IGSF10: variants seen among roughly 807,000 people sequenced by gnomAD.
The protein encoded by IGSF10 is calvaria mechanical force protein 608.
In IGSF10, 126 loss-of-function variants were observed where a neutral mutation model predicts 128.2. That is an observed-to-expected ratio of 0.98 (90% CI 0.85 to 1.14). The LOEUF (loss-of-function observed/expected upper bound fraction) is 1.14. Ranked by LOEUF, IGSF10 falls within the 50% of genes most tolerant of loss-of-function variation. The pLI, the probability that IGSF10 is intolerant of heterozygous loss-of-function variation, is 0.00. For missense variants in IGSF10, 3,295 were observed against 3,149.8 expected (o/e 1.05, Z -1.10); for synonymous variants, 1,185 against 1,146.2 (o/e 1.03, Z -0.68).
chr3:151,547,195 C>G, the IGSF10 span, among the ~76,000 whole-genome samples: 1 of 152,096 alleles, frequency 6.6e-6, no homozygotes, highest in African/African-American at 2.4e-5. Context: ...CACAACCACA[C>G]CGTCCCACAC....
chr3:151,519,538 C>T, the IGSF10 span, among the ~76,000 whole-genome samples: 1 of 151,674 alleles, frequency 6.6e-6, no homozygotes, highest in Non-Finnish European at 1.5e-5. Context: ...TTTCAACTTA[C>T]CCTAAATTTA....
the IGSF10 span, among the ~76,000 whole-genome samples, chr3:151,507,768 T>C: frequency 6.6e-6 from 1 of 152,186 alleles, no homozygotes; most frequent in Non-Finnish European, 1.5e-5. Context: ...ATGAGGATTA[T>C]AGGAACTAAA....
At chr3:151,483,487 C>T in the IGSF10 span, among the ~76,000 whole-genome samples, 1,885 of 152,154 alleles carry the variant, frequency 0.012, 49 homozygotes, top group African/African-American at 0.044. Context: ...TATCAAATCA[C>T]AAATGTAGAA....
the IGSF10 span, among the ~76,000 whole-genome samples, chr3:151,492,880 ACAGT>A: frequency 3.3e-5 from 5 of 152,190 alleles, no homozygotes; most frequent in Non-Finnish European, 7.3e-5. Flanking sequence ...AAGATTGGAA[ACAGT>A]CTGTCTGTTG....
the IGSF10 span, among the ~76,000 whole-genome samples, chr3:151,585,131 T>C: frequency 6.6e-6 from 1 of 152,194 alleles, no homozygotes; most frequent in Non-Finnish European, 1.5e-5. Context: ...GCACTTGTAA[T>C]ATGGCTGGTT....
chr3:151,448,353 C>G lies in IGSF10; in HGVS notation c.1628G>C (p.Ser543Thr), dbSNP rs752660913. 23 of 1,614,092 alleles carry G rather than the reference C, an allele frequency of 1.4e-5. No homozygotes were observed. The South Asian group carries it at 2.2e-4, about 15-fold the overall frequency. ...SGKLELQMADSFDTGVYHCIS... is the reference protein window; with the variant it reads ...SGKLELQMADTFDTGVYHCIS... ...ACAGTGATATACGCCTGTGTCAAAA[C>G]TATCAGCCATCTGGAGTTCCAATTT... Residue 543 changes from serine to threonine, a missense_variant, in exon 6 of 8, where the codon AGT (serine) becomes ACT (threonine). Transcript: ENST00000282466.
At chr3:151,576,819 G>A in the IGSF10 span, among the ~76,000 whole-genome samples, 1 of 152,126 alleles carries the variant, frequency 6.6e-6, no homozygotes, top group East Asian at 1.9e-4. Flanking sequence ...TCAGTTCTGG[G>A]AATTCCCAGC....
chr3:151,446,355 A>G lies in IGSF10; in HGVS notation c.3626T>C (p.Phe1209Ser), dbSNP rs370899838. ...SRRKIPWQQN[F>S]VNNHNPKGRL... ...GCCTTTTGGGTTATGGTTATTTACA[A>G]AGTTCTGTTGCCAGGGAATTTTCCT... Residue 1209 changes from phenylalanine (F) to serine (S), a missense_variant, in exon 6 of 8, where the codon TTT (phenylalanine) becomes TCT (serine). Transcript: ENST00000282466. 6.2e-7 allele frequency: 1 copy of G among 1,613,404 alleles called. No individual in the cohort carries two copies. The highest frequency in any genetic ancestry group is 8.5e-7 in the Non-Finnish European group (1 of 1,179,490).
the IGSF10 span, among the ~76,000 whole-genome samples, chr3:151,501,969 T>A: frequency 6.6e-6 from 1 of 151,988 alleles, no homozygotes; most frequent in East Asian, 1.9e-4. Context: ...AATCAAGGAG[T>A]CCTAGATTGG....
chr3:151,509,213 C>T, the IGSF10 span, among the ~76,000 whole-genome samples: 1 of 152,134 alleles, frequency 6.6e-6, no homozygotes, highest in Non-Finnish European at 1.5e-5. Context: ...AACTGCTAAC[C>T]AAGCACAACA....
chr3:151,519,665 AT>A, the IGSF10 span, among the ~76,000 whole-genome samples: 1 of 151,776 alleles, frequency 6.6e-6, no homozygotes, highest in African/African-American at 2.4e-5. Context: ...TCTTTGAGGT[AT>A]ATAGTGTGAA....
intron 4 of IGSF10, among the ~76,000 whole-genome samples, chr3:151,456,679 A>G (rs1223720970): frequency 6.6e-6 from 1 of 152,210 alleles, no homozygotes; most frequent in African/African-American, 2.4e-5. Flanking sequence ...ATATAAAACT[A>G]TTATCTGTCT....
chr3:151,497,540 T>C, the IGSF10 span, among the ~76,000 whole-genome samples: 5 of 152,326 alleles, frequency 3.3e-5, no homozygotes, highest in East Asian at 9.6e-4. Context: ...TTTATATCTC[T>C]GTTTTGGTAC....
the IGSF10 span, among the ~76,000 whole-genome samples, chr3:151,575,606 C>G: frequency 2.0e-5 from 3 of 152,324 alleles, no homozygotes; most frequent in East Asian, 5.8e-4. Flanking sequence ...GTGAGAGTGT[C>G]TCGATTTTCC....
chr3:151,554,721 G>A, the IGSF10 span, among the ~76,000 whole-genome samples: 12 of 152,034 alleles, frequency 7.9e-5, no homozygotes, highest in African/African-American at 2.9e-4. Context: ...CTATTGACAC[G>A]GTTGAGACCT....
chr3:151,527,055 T>A, the IGSF10 span, among the ~76,000 whole-genome samples: 1 of 152,220 alleles, frequency 6.6e-6, no homozygotes, highest in African/African-American at 2.4e-5. Context: ...TCCTAACTTT[T>A]GGTAGAATTT....
At chr3:151,618,333 T>C in the IGSF10 span, among the ~76,000 whole-genome samples, 1 of 152,230 alleles carries the variant, frequency 6.6e-6, no homozygotes, top group Admixed American at 6.5e-5. Flanking sequence ...GTTATATTTG[T>C]TACAGCCACC....
At chr3:151,551,962 A>T in the IGSF10 span, among the ~76,000 whole-genome samples, 1 of 152,070 alleles carries the variant, frequency 6.6e-6, no homozygotes, top group African/African-American at 2.4e-5. Context: ...GCTCATAATC[A>T]CTCACTGCAT....
chr3:151,595,485 T>C, the IGSF10 span, among the ~76,000 whole-genome samples: 2 of 149,272 alleles, frequency 1.3e-5, no homozygotes, highest in African/African-American at 4.9e-5. Context: ...TATAGTGTTA[T>C]ATAATATTAT....
Sources: gnomAD v4.1 joint callset for allele counts (sites outside exome capture counted in the v4.1 genomes callset) on GRCh38, gnomAD v4.1.1 for gene constraint, MANE v1.5 for transcripts, NCBI Gene and HGNC (gene_info 2026-07-23, HGNC 2026-07-21) for gene names.